LYPD6B: variants seen among roughly 807,000 people sequenced by gnomAD.
The protein encoded by LYPD6B is ly6/PLAUR domain-containing protein 6B.
In LYPD6B, 17 loss-of-function variants were observed where a neutral mutation model predicts 22.8. The observed-to-expected ratio is 0.75, with a 90% CI of 0.51 to 1.12. The LOEUF (loss-of-function observed/expected upper bound fraction) is 1.12. Among genes scored for constraint, LYPD6B ranks in the 50% most tolerant of loss-of-function variants. LYPD6B has a pLI of 0.00. For synonymous variants in LYPD6B, 106 were observed against 91.6 expected (o/e 1.16, Z -0.90); for missense variants, 221 against 258.3 (o/e 0.86, Z 0.99).
intron 3 of LYPD6B, among the ~76,000 whole-genome samples, chr2:149,188,224 C>T (rs889789272): frequency 7.2e-5 from 11 of 152,092 alleles, no homozygotes; most frequent in South Asian, 2.1e-4. Context: ...TCATTTACTT[C>T]TAGATCATGA....
At chr2:149,097,462 AT>A (rs1174954988) in intron 1 of LYPD6B, among the ~76,000 whole-genome samples, 1 of 152,222 alleles carries the variant, frequency 6.6e-6, no homozygotes, top group African/African-American at 2.4e-5. Context: ...CAACTAAAAA[AT>A]TATTTATTGT....
At chr2:149,086,078 A>G (rs1014300223) in intron 1 of LYPD6B, among the ~76,000 whole-genome samples, 1 of 152,208 alleles carries the variant, frequency 6.6e-6, no homozygotes, top group Admixed American at 6.5e-5. Context: ...TGCACTTTTG[A>G]TGAAGTGTTT....
chr2:149,052,177 C>T (rs865874987), intron 1 of LYPD6B, among the ~76,000 whole-genome samples: 2 of 151,996 alleles, frequency 1.3e-5, no homozygotes, highest in African/African-American at 2.4e-5. Context: ...CTGCCTCAGC[C>T]TCCCGAGTAG....
intron 3 of LYPD6B, among the ~76,000 whole-genome samples, chr2:149,189,367 T>TATATATAC (rs1290881582): frequency 1.2e-5 from 1 of 81,002 alleles, no homozygotes; most frequent in Middle Eastern, 6.4e-3. Flanking sequence ...TATATATATA[T>TATATATAC]ACACACACAT....
At chr2:149,193,106 A>G (rs1368994769) in intron 3 of LYPD6B, among the ~76,000 whole-genome samples, 2 of 152,112 alleles carry the variant, frequency 1.3e-5, no homozygotes, top group African/African-American at 4.8e-5. Context: ...CATCCCATAC[A>G]CTGTGAACAA....
chr2:149,096,912 C>T (rs1168052724), intron 1 of LYPD6B, among the ~76,000 whole-genome samples: 1 of 152,164 alleles, frequency 6.6e-6, no homozygotes, highest in African/African-American at 2.4e-5. Flanking sequence ...TGAATAGAAC[C>T]TTTAAAACTC....
At chr2:149,061,036 G>A (rs1684054293) in intron 1 of LYPD6B, among the ~76,000 whole-genome samples, 1 of 152,062 alleles carries the variant, frequency 6.6e-6, no homozygotes, top group Non-Finnish European at 1.5e-5. Flanking sequence ...GCCTTTGAGA[G>A]AGAAGGGAAA....
At chr2:149,120,699 A>G (rs1687290595) in intron 1 of LYPD6B, among the ~76,000 whole-genome samples, 1 of 150,038 alleles carries the variant, frequency 6.7e-6, no homozygotes, top group Admixed American at 6.7e-5. Context: ...ATATTTTTAC[A>G]TAATTAAAAT....
chr2:149,177,377 T>C (rs1390840283), intron 3 of LYPD6B, among the ~76,000 whole-genome samples: 1 of 152,230 alleles, frequency 6.6e-6, no homozygotes, highest in Non-Finnish European at 1.5e-5. Flanking sequence ...GGTTATGTTT[T>C]TAGTATCTTG....
chr2:149,077,160 G>A (rs1684917898), intron 1 of LYPD6B, among the ~76,000 whole-genome samples: 1 of 152,166 alleles, frequency 6.6e-6, no homozygotes, highest in South Asian at 2.1e-4. Context: ...GCCACAGAAC[G>A]CCCTGGCAGC....
chr2:149,057,568 C>A lies in LYPD6B; in HGVS notation c.-67+18767C>A, dbSNP rs141131285. On this transcript the variant is annotated intron_variant, in intron 1 of 6. Coordinates refer to ENST00000409642, the MANE Select transcript of LYPD6B (RefSeq NM_177964.5). ...TTGCCTTGTAAGCGGTTTGTAAAGT[C>A]CCCTCCAGTCCCTACGATTAAATGT... Among the ~76,000 whole-genome samples, 473 of 152,088 alleles carry A rather than the reference C, an allele frequency of 3.1e-3. 4 individuals are homozygous for A. Among genetic ancestry groups the A allele is most frequent in the African/African-American group, 0.011 (459 of 41,536 alleles).
intron 3 of LYPD6B, among the ~76,000 whole-genome samples, chr2:149,204,119 G>A (rs1481910538): frequency 6.6e-6 from 1 of 152,166 alleles, no homozygotes; most frequent in African/African-American, 2.4e-5. Context: ...TTTATGATGA[G>A]TTCTTTTATG....
chr2:149,068,599 AT>A, intron 1 of LYPD6B: 1 of 440,194 alleles, frequency 2.3e-6, no homozygotes, highest in East Asian at 6.1e-5. Flanking sequence ...GATTAGACTA[AT>A]TCATTAGTGG....
rs1295296829 is a variant in LYPD6B at position 149,199,402 on chromosome 2, A to AAGAT, written c.78-5851_78-5850insAGAT. Among the ~76,000 whole-genome samples, 482 of 152,340 alleles carry AAGAT rather than the reference A, an allele frequency of 3.2e-3. 2 individuals are homozygous for AAGAT. Among genetic ancestry groups the AAGAT allele is most frequent in the African/African-American group, 0.011 (459 of 41,584 alleles). On this transcript the variant is annotated intron_variant, in intron 3 of 6. Transcript: ENST00000409642. ...TAATTCTTGTCAGTCACATCTTACC[A>AAGAT]GTGGCTCATATTGACTTTTGGTCCC...
chr2:149,145,647 C>T lies in LYPD6B; in HGVS notation c.5+14694C>T, dbSNP rs1365668066. On this transcript the variant is annotated intron_variant, in intron 2 of 6. Coordinates refer to ENST00000409642, the MANE Select transcript of LYPD6B (RefSeq NM_177964.5). ...TGGATGGATCTGCCAGCCTCCCTCCCTTCTCCCTTTTAACATCAGCAAAAT... is the reference window on the plus strand; with the variant it reads ...TGGATGGATCTGCCAGCCTCCCTCCTTTCTCCCTTTTAACATCAGCAAAAT... Among the ~76,000 whole-genome samples the T allele has an allele frequency of 2.0e-5, 3 of 152,256 alleles. No individual in the cohort carries two copies. In the East Asian group the frequency reaches 5.8e-4, roughly 29 times the overall value.
Position 149,198,074 on chromosome 2 carries a change from GCT to G in LYPD6B, c.78-7176_78-7175del, listed in dbSNP as rs1197130813. The stretch of plus-strand genomic sequence containing the variant: ...TTTCTTTTTTGTGAGACAGAGTCTC[GCT>G]CTGTCACCCAGGCTAGAGTGCAGTG... On this transcript the variant is annotated intron_variant, in intron 3 of 6. Transcript: ENST00000409642. Among the ~76,000 whole-genome samples, 17 of 147,688 alleles carry G rather than the reference GCT, an allele frequency of 1.2e-4. No homozygotes were observed. In the Admixed American group the frequency reaches 1.2e-3, roughly 10 times the overall value.
At chr2:149,206,119 G>C in intron 4 of LYPD6B, 2 of 404,048 alleles carry the variant, frequency 4.9e-6, no homozygotes, top group South Asian at 4.0e-5. Context: ...ACGCCTGGAA[G>C]AGTATCAGAA....
chr2:149,116,018 A>G (rs956883893), intron 1 of LYPD6B, among the ~76,000 whole-genome samples: 1 of 152,192 alleles, frequency 6.6e-6, no homozygotes, highest in Non-Finnish European at 1.5e-5. Flanking sequence ...CTTGTGTTCA[A>G]GTTAACAGTA....
chr2:149,213,106 G>T lies in LYPD6B; in HGVS notation c.443G>T (p.Arg148Leu). The change falls in exon 6 of 7, where the codon CGA becomes CTA. Residue 148 changes from arginine (R) to leucine (L), a missense_variant. Coordinates refer to ENST00000409642, the MANE Select transcript of LYPD6B (RefSeq NM_177964.5). ...CATTTTGTCGGTTGCCACCACAGCC[G>T]AGATTCTGAACATACGGTAAGGATC... Reference protein sequence around the residue: ...ECHFVGCHHSRDSEHTECRSC... With the variant: ...ECHFVGCHHSLDSEHTECRSC... 1 of 1,613,648 alleles carries T rather than the reference G, an allele frequency of 6.2e-7. No individual in the cohort carries two copies. The highest frequency in any genetic ancestry group is 8.5e-7 in the Non-Finnish European group (1 of 1,179,782).
Sources: allele counts gnomAD v4.1 joint callset (sites outside exome capture counted in the v4.1 genomes callset), GRCh38; gene constraint gnomAD v4.1.1; transcripts MANE v1.5; gene names NCBI Gene and HGNC (gene_info 2026-07-23, HGNC 2026-07-21).